Variants in TACC2 observed in about 807,000 individuals in gnomAD.
TACC2 encodes the protein transforming acidic coiled-coil containing protein 2.
Under a neutral mutation model 227.3 loss-of-function variants are expected in TACC2, and 137 were observed. The observed-to-expected ratio is 0.60, with a 90% CI of 0.52 to 0.69. TACC2 has a LOEUF of 0.69. TACC2 is among the 30% of genes least tolerant of loss of function. The probability of loss-of-function intolerance (pLI) is 0.00; values close to 1 mark genes in which losing one functional copy is unlikely to be tolerated. For synonymous variants in TACC2, 1,523 were observed against 1,487.5 expected, an observed-to-expected ratio of 1.02 and a Z score of -0.55; for missense variants, 3,470 against 3,694.4, an observed-to-expected ratio of 0.94 and a Z score of 1.57.
intron 3 of TACC2, among the ~76,000 whole-genome samples, chr10:122,058,408 A>G (rs796678967): frequency 2.0e-5 from 3 of 151,892 alleles, no homozygotes; most frequent in African/African-American, 7.2e-5. Flanking sequence ...GCAACCCTTT[A>G]TTATATATTT....
At chr10:122,208,185 G>C (rs1346250964) in intron 8 of TACC2, among the ~76,000 whole-genome samples, 4 of 152,204 alleles carry the variant, frequency 2.6e-5, no homozygotes, top group Admixed American at 6.5e-5. Context: ...GGTAGGCCCT[G>C]GGTGGAGAAG....
Position 122,085,916 on chromosome 10 carries a change from G to C in TACC2, c.3416G>C (p.Gly1139Ala), listed in dbSNP as rs751945438. ...GAGACTGGTGGCAGCGCTGGTGCAG[G>C]AGACCCAGGAAAGCAGCAGGCTCCG... is the stretch of plus-strand genomic sequence containing the variant. Reference protein sequence around the residue: ...AAETGGSAGAGDPGKQQAPEK... With the variant: ...AAETGGSAGAADPGKQQAPEK... Residue 1139 changes from glycine (G) to alanine (A), a missense_variant, in exon 4 of 23, where the codon GGA (glycine) becomes GCA (alanine). By Grantham distance (60) the Gly-to-Ala change is moderately conservative. Around this residue, in one of 10 missense-constraint regions of TACC2, gnomAD observed 1,924 missense variants for 1,978.3 expected, o/e 0.97. Transcript: ENST00000369005. 2 of 1,613,372 alleles carry C rather than the reference G, an allele frequency of 1.2e-6. No individual in the cohort carries two copies. Among genetic ancestry groups the C allele is most frequent in the Non-Finnish European group, 1.7e-6 (2 of 1,179,632 alleles).
intron 5 of TACC2, among the ~76,000 whole-genome samples, chr10:122,107,111 C>G (rs903049494): frequency 6.6e-6 from 1 of 152,220 alleles, no homozygotes; most frequent in Non-Finnish European, 1.5e-5. Flanking sequence ...AGGACCATGC[C>G]TAACCCAATT....
At chr10:122,154,609 T>C (rs1002195442) in intron 7 of TACC2, among the ~76,000 whole-genome samples, 6 of 152,334 alleles carry the variant, frequency 3.9e-5, no homozygotes, top group African/African-American at 1.4e-4. Flanking sequence ...TTTCTTCCCA[T>C]GTACACATCA....
intron 2 of TACC2, among the ~76,000 whole-genome samples, chr10:122,036,451 G>A (rs531036477): frequency 1.1e-4 from 16 of 149,140 alleles, no homozygotes; most frequent in African/African-American, 2.5e-4. Flanking sequence ...CCTTGGCCTC[G>A]CAAAGTGCTG....
intron 7 of TACC2, among the ~76,000 whole-genome samples, chr10:122,187,828 G>C (rs578059162): frequency 1.3e-5 from 2 of 152,144 alleles, no homozygotes; most frequent in African/African-American, 4.8e-5. Flanking sequence ...GGAGGCCAAG[G>C]GCAGATCAGA....
chr10:122,079,437 T>C (rs2079198456), intron 3 of TACC2, among the ~76,000 whole-genome samples: 1 of 152,230 alleles, frequency 6.6e-6, no homozygotes, highest in Non-Finnish European at 1.5e-5. Context: ...GAGTTTTCTC[T>C]TTTTTGGCCT....
At chr10:122,042,139 G>A (rs1362500021) in intron 2 of TACC2, among the ~76,000 whole-genome samples, 1 of 152,086 alleles carries the variant, frequency 6.6e-6, no homozygotes, top group Non-Finnish European at 1.5e-5. Context: ...TAGAGACGGG[G>A]TTTCACCGTG....
intron 3 of TACC2, among the ~76,000 whole-genome samples, chr10:122,077,968 G>A (rs1357099252): frequency 6.6e-6 from 1 of 152,050 alleles, no homozygotes; most frequent in East Asian, 1.9e-4. Context: ...GCCGAGGCGG[G>A]CAGATCACCT....
intron 5 of TACC2, among the ~76,000 whole-genome samples, chr10:122,095,335 G>A (rs2081263110): frequency 1.3e-5 from 2 of 152,218 alleles, no homozygotes; most frequent in South Asian, 2.1e-4. Context: ...TGGGGCCATC[G>A]CCTTGCGGGG....
chr10:122,212,578 G>C (rs1373197733), intron 9 of TACC2, among the ~76,000 whole-genome samples: 2 of 152,188 alleles, frequency 1.3e-5, no homozygotes, highest in East Asian at 3.8e-4. Context: ...AATTTAACAA[G>C]GCTGAGGAGA....
chr10:122,249,677 G>T lies in TACC2; in HGVS notation c.8781+13G>T. 1 of 1,606,686 alleles carries T rather than the reference G, an allele frequency of 6.2e-7. No individual in the cohort carries two copies. The highest frequency in any genetic ancestry group is 1.1e-5 in the South Asian group (1 of 90,572). On this transcript the variant is annotated intron_variant, in intron 22 of 22. Transcript: ENST00000369005. ...GCTGGAGCAGAAGGTAATAGGGGAG[G>T]GGTGTGGCCTCCAGGTGGGCCGGGC... is the stretch of plus-strand genomic sequence containing the variant.
At chr10:122,082,306 T>TCAAA (rs544811521) in intron 3 of TACC2, among the ~76,000 whole-genome samples, 20 of 152,298 alleles carry the variant, frequency 1.3e-4, no homozygotes, top group African/African-American at 1.7e-4. Context: ...AGACCCTGTC[T>TCAAA]CAAACAAACA....
chr10:122,045,282 G>T (rs541937474), intron 2 of TACC2, among the ~76,000 whole-genome samples: 1 of 152,194 alleles, frequency 6.6e-6, no homozygotes, highest in Admixed American at 6.5e-5. Context: ...ATTCCTTGGA[G>T]CATAGCAGCA....
intron 10 of TACC2, 136 bp from the exon 11 acceptor site, chr10:122,216,491 A>T (rs2095409756): frequency 1.3e-6 from 1 of 751,224 alleles, no homozygotes; most frequent in South Asian, 1.8e-5. Context: ...GACCATTTGG[A>T]GCAGAGTCTG....
At chr10:122,240,943 TAGG>T (rs1462752372) in intron 18 of TACC2, among the ~76,000 whole-genome samples, 1 of 152,082 alleles carries the variant, frequency 6.6e-6, no homozygotes, top group East Asian at 1.9e-4. Context: ...TCTGGGCCAG[TAGG>T]AGATGAGATT....
intron 7 of TACC2, among the ~76,000 whole-genome samples, chr10:122,181,181 T>C (rs1195076857): frequency 6.6e-6 from 1 of 152,208 alleles, no homozygotes; most frequent in Non-Finnish European, 1.5e-5. Flanking sequence ...AATTTATTGC[T>C]TAGTTTTACA....
chr10:122,072,756 TATGTATG>T (rs1389891270), intron 3 of TACC2, among the ~76,000 whole-genome samples: 1 of 152,154 alleles, frequency 6.6e-6, no homozygotes, highest in African/African-American at 2.4e-5. Flanking sequence ...TTCACTTATT[TATGTATG>T]CCATCATTCA....
intron 7 of TACC2, among the ~76,000 whole-genome samples, chr10:122,151,061 G>A (rs1021155383): frequency 2.0e-5 from 3 of 152,154 alleles, no homozygotes; most frequent in Admixed American, 6.5e-5. Flanking sequence ...AGTAGTAAAT[G>A]TACATGAAGA....
Sources: gnomAD v4.1 joint callset for allele counts (sites outside exome capture counted in the v4.1 genomes callset) on GRCh38, gnomAD v4.1.1 for gene constraint, gnomAD v4.1.1 regional missense constraint, MANE v1.5 for transcripts, NCBI Gene and HGNC (gene_info 2026-07-23, HGNC 2026-07-21) for gene names.